Variants in DGKI observed in about 807,000 individuals in gnomAD.
DGKI encodes the protein diacylglycerol kinase iota.
A neutral mutation model predicts 147.5 loss-of-function variants in DGKI; 55 were observed. The ratio of observed to expected loss-of-function variants is 0.37; its 90% CI spans 0.30 to 0.47. The LOEUF is 0.47. Among genes scored for constraint, DGKI ranks in the 20% least tolerant of loss-of-function variants. The probability of loss-of-function intolerance (pLI) is 1.00; values close to 1 mark genes in which losing one functional copy is unlikely to be tolerated. For missense variants in DGKI, 1,007 were observed against 1,323.8 expected, an observed-to-expected ratio of 0.76 and a Z score of 3.71; for synonymous variants, 469 against 477.1, an observed-to-expected ratio of 0.98 and a Z score of 0.22.
At chr7:137,784,325 C>T (rs990792052) in intron 1 of DGKI, among the ~76,000 whole-genome samples, 1 of 152,028 alleles carries the variant, frequency 6.6e-6, no homozygotes, top group African/African-American at 2.4e-5. Flanking sequence ...AGTAGCAATT[C>T]TTATATCAGG....
chr7:137,664,680 C>T (rs1456319365), intron 3 of DGKI, among the ~76,000 whole-genome samples: 1 of 152,078 alleles, frequency 6.6e-6, no homozygotes, highest in African/African-American at 2.4e-5. Context: ...GGAACAGTTG[C>T]AGGAGTGGAG....
intron 32 of DGKI, among the ~76,000 whole-genome samples, chr7:137,394,269 C>A (rs1006298482): frequency 2.0e-5 from 3 of 152,084 alleles, no homozygotes; most frequent in African/African-American, 7.2e-5. Flanking sequence ...CTTAAAACAT[C>A]GTAAGATTTG....
intron 1 of DGKI, among the ~76,000 whole-genome samples, chr7:137,816,031 T>C (rs1195429972): frequency 3.9e-5 from 6 of 152,202 alleles, no homozygotes; most frequent in African/African-American, 1.2e-4. Context: ...AACCATTCTC[T>C]TGAATGAGAG....
chr7:137,548,421 T>C (rs757915388), intron 20 of DGKI, among the ~76,000 whole-genome samples: 8 of 152,140 alleles, frequency 5.3e-5, no homozygotes, highest in Non-Finnish European at 1.2e-4. Flanking sequence ...CCCTCATAAA[T>C]ACCTGGTGCC....
chr7:137,582,190 A>G (rs1312413923), intron 14 of DGKI, among the ~76,000 whole-genome samples: 2 of 152,148 alleles, frequency 1.3e-5, no homozygotes, highest in East Asian at 1.9e-4. Flanking sequence ...AATGAGAATC[A>G]TTTTTATAGA....
intron 1 of DGKI, among the ~76,000 whole-genome samples, chr7:137,765,783 T>C (rs1253551842): frequency 6.6e-6 from 1 of 152,140 alleles, no homozygotes; most frequent in Non-Finnish European, 1.5e-5. Flanking sequence ...CAGCATACGA[T>C]ACGGAGGCCT....
chr7:137,601,505 A>G (rs1446772768), intron 10 of DGKI, among the ~76,000 whole-genome samples: 1 of 152,246 alleles, frequency 6.6e-6, no homozygotes, highest in East Asian at 1.9e-4. Context: ...TCATCCCAGT[A>G]TACTGGACAT....
At chr7:137,467,632 T>C (rs556535630) in intron 24 of DGKI, among the ~76,000 whole-genome samples, 6 of 152,322 alleles carry the variant, frequency 3.9e-5, no homozygotes, top group South Asian at 2.1e-4. Context: ...CTGAAAGAGA[T>C]TGAGCTACAT....
chr7:137,585,901 C>A (rs147505433), intron 13 of DGKI, among the ~76,000 whole-genome samples: 108 of 152,212 alleles, frequency 7.1e-4, no homozygotes, highest in Non-Finnish European at 1.0e-3. Flanking sequence ...ACTGACAGCA[C>A]GATAGACTGT....
chr7:137,506,842 T>C (rs912460697), intron 21 of DGKI, among the ~76,000 whole-genome samples: 2 of 152,082 alleles, frequency 1.3e-5, no homozygotes, highest in African/African-American at 4.8e-5. Flanking sequence ...AAAGAAACTG[T>C]TCTGAGTTTT....
In DGKI at chr7:137,752,693, C is replaced by G. The variant is rs184789803; in HGVS notation, c.402-62691G>C. ...CCCCCAGTCACATAACCCCTGCTTG[C>G]TCAATCGATCACGACCCTCTCACAT... On this transcript the variant is annotated intron_variant, in intron 1 of 32. Coordinates refer to ENST00000614521, the MANE Select transcript of DGKI (RefSeq NM_001321708.2). 1.5e-3 allele frequency among the ~76,000 whole-genome samples: 230 copies of G among 152,270 alleles called. 1 individual carries two copies. The highest frequency in any genetic ancestry group is 5.4e-3 in the African/African-American group (224 of 41,556).
At position 137,383,885 on chromosome 7, in the gene DGKI, A is replaced by T. The variant is rs1053309057; in HGVS notation, c.*7335T>A. On this transcript the variant is annotated 3_prime_UTR_variant, in exon 33 of 33. Coordinates refer to ENST00000614521, the MANE Select transcript of DGKI (RefSeq NM_001321708.2). Reference sequence around the variant, plus strand: ...TCCAGATCAAACATCCTCCTTCTACATATTCACCAATCTGCCCATAAATGT... The same window carrying T: ...TCCAGATCAAACATCCTCCTTCTACTTATTCACCAATCTGCCCATAAATGT... The T allele has an allele frequency of 2.6e-5, 4 of 151,984 alleles. No individual in the cohort carries two copies. Among genetic ancestry groups the T allele is most frequent in the African/African-American group, 9.7e-5 (4 of 41,408 alleles). 9.4% of individuals were successfully genotyped at this position (151,984 alleles called of 1,614,324 possible).
intron 1 of DGKI, among the ~76,000 whole-genome samples, chr7:137,785,494 A>T (rs1203883029): frequency 1.4e-5 from 2 of 148,138 alleles, no homozygotes; most frequent in East Asian, 3.9e-4. Context: ...AATTGCCAAC[A>T]AAAAAAAAAG....
chr7:137,480,444 G>T (rs1047992919), intron 23 of DGKI, among the ~76,000 whole-genome samples: 3 of 152,158 alleles, frequency 2.0e-5, no homozygotes, highest in African/African-American at 7.2e-5. Context: ...GGGGATGAAT[G>T]AAATATTTAT....
chr7:137,739,763 G>A (rs3800649), intron 1 of DGKI, among the ~76,000 whole-genome samples: 39,102 of 152,114 alleles, frequency 0.26, 5,156 homozygotes, highest in South Asian at 0.29. Flanking sequence ...ACTGCCCAGA[G>A]AAAGTTGTTT....
At chr7:137,746,639 G>A (rs957871036) in intron 1 of DGKI, among the ~76,000 whole-genome samples, 7 of 152,180 alleles carry the variant, frequency 4.6e-5, no homozygotes, top group Admixed American at 1.3e-4. Flanking sequence ...GCATGCACAG[G>A]CTTGATTTAT....
chr7:137,784,393 G>A (rs1439883208), intron 1 of DGKI, among the ~76,000 whole-genome samples: 2 of 152,054 alleles, frequency 1.3e-5, no homozygotes, highest in African/African-American at 4.8e-5. Flanking sequence ...ATTATAGAAT[G>A]ATAAAAAGAC....
intron 1 of DGKI, among the ~76,000 whole-genome samples, chr7:137,693,976 C>A (rs973160638): frequency 6.6e-6 from 1 of 152,126 alleles, no homozygotes; most frequent in Admixed American, 6.5e-5. Context: ...AATATTTTTA[C>A]AATGTGTTTA....
intron 1 of DGKI, among the ~76,000 whole-genome samples, chr7:137,724,270 G>C (rs890697901): frequency 6.6e-6 from 1 of 152,162 alleles, no homozygotes; most frequent in East Asian, 1.9e-4. Context: ...GCATTTATAG[G>C]CCATGGTGAG....
Sources: allele counts gnomAD v4.1 joint callset (sites outside exome capture counted in the v4.1 genomes callset), GRCh38; gene constraint gnomAD v4.1.1; transcripts MANE v1.5; gene names NCBI Gene and HGNC (gene_info 2026-07-23, HGNC 2026-07-21).